The following AEBP2 variants were observed in gnomAD, a reference collection of about 807,000 sequenced individuals.
The protein encoded by AEBP2 is zinc finger protein AEBP2.
A neutral mutation model predicts 50.8 loss-of-function variants in AEBP2; 10 were observed. The ratio of observed to expected loss-of-function variants is 0.20; its 90% confidence interval spans 0.12 to 0.33. The LOEUF (loss-of-function observed/expected upper bound fraction) is 0.33. AEBP2 is among the 10% of genes least tolerant of loss of function. The pLI is 1.00. For missense variants in AEBP2, 570 were observed against 688.0 expected (o/e 0.83, Z 1.92); for synonymous variants, 296 against 261.3 (o/e 1.13, Z -1.28).
At chr12:19,461,619 C>T (rs1948380057) in intron 1 of AEBP2, among the ~76,000 whole-genome samples, 1 of 152,060 alleles carries the variant, frequency 6.6e-6, no homozygotes, top group South Asian at 2.1e-4. Context: ...AAGAGATTCT[C>T]CTGCCTCAGC....
At chr12:19,459,294 C>T (rs1333241772) in intron 1 of AEBP2, among the ~76,000 whole-genome samples, 7 of 151,662 alleles carry the variant, frequency 4.6e-5, no homozygotes, top group African/African-American at 1.5e-4. Context: ...TGCAGTGGTG[C>T]GATCTGGGCT....
chr12:19,501,800 T>TG (rs1555187204), intron 5 of AEBP2, among the ~76,000 whole-genome samples: 59 of 117,242 alleles, frequency 5.0e-4, no homozygotes, highest in African/African-American at 2.3e-3. Context: ...TGAGTTTGTT[T>TG]TTTTTTTTTT....
intron 1 of AEBP2, among the ~76,000 whole-genome samples, chr12:19,432,273 A>T (rs2095751804): frequency 6.6e-6 from 1 of 152,200 alleles, no homozygotes; most frequent in African/African-American, 2.4e-5. Flanking sequence ...GCTCTGAGTA[A>T]AAACATAAAG....
chr12:19,495,952 C>T (rs1251686040), intron 4 of AEBP2, among the ~76,000 whole-genome samples: 2 of 152,154 alleles, frequency 1.3e-5, no homozygotes, highest in Middle Eastern at 3.4e-3. Context: ...TTTAGCATTG[C>T]GATCATTTTA....
chr12:19,468,488 C>CT, intron 2 of AEBP2, among the ~76,000 whole-genome samples: 1 of 152,290 alleles, frequency 6.6e-6, no homozygotes, highest in South Asian at 2.1e-4. Flanking sequence ...CATACTTACT[C>CT]TGACAGATTA....
At chr12:19,485,519 C>T (rs1328160745) in intron 3 of AEBP2, among the ~76,000 whole-genome samples, 1 of 151,650 alleles carries the variant, frequency 6.6e-6, no homozygotes, top group Non-Finnish European at 1.5e-5. Context: ...CCAGCCTGGG[C>T]AACATGACGA....
At chr12:19,470,281 C>T (rs1289428676) in intron 2 of AEBP2, among the ~76,000 whole-genome samples, 1 of 152,030 alleles carries the variant, frequency 6.6e-6, no homozygotes, top group African/African-American at 2.4e-5. Context: ...CCTCAGCCTC[C>T]TGAGTAGCTG....
intron 1 of AEBP2, among the ~76,000 whole-genome samples, chr12:19,404,420 A>G (rs3983592): frequency 0.53 from 80,721 of 151,942 alleles, 21,867 homozygotes; most frequent in Admixed American, 0.62. Flanking sequence ...GCTTCCTCTC[A>G]GGCTCTGAAA....
intron 6 of AEBP2, 77 bp from the exon 7 acceptor site, chr12:19,514,594 C>T (rs1949291774): frequency 8.7e-7 from 1 of 1,143,966 alleles, no homozygotes; most frequent in Middle Eastern, 2.2e-4. Flanking sequence ...GCAGAAAATG[C>T]CAGAATGTGA....
chr12:19,493,776 T>C, intron 3 of AEBP2, 24 bp from the exon 4 acceptor site: 1 of 1,609,142 alleles, frequency 6.2e-7, no homozygotes, highest in South Asian at 1.1e-5. Context: ...TGCCTGACGT[T>C]ATTTCTGTTT....
rs575344958 is a variant in AEBP2 at position 19,475,891 on chromosome 12, ATTTC to A, written c.987+2540_987+2543del. On this transcript the variant is annotated intron_variant, in intron 3 of 7. Transcript: ENST00000266508. ...GATTATTATTATTTTTTTCTTGTTG[ATTTC>A]TTTGAGTGCCTTGTCAATTTTGAAC... Among the ~76,000 whole-genome samples the A allele has an allele frequency of 2.8e-3, 420 of 151,682 alleles. 4 individuals are homozygous for A. Among genetic ancestry groups the A allele is most frequent in the Non-Finnish European group, 3.8e-3 (261 of 67,874 alleles).
chr12:19,410,737 T>C (rs1467656898), intron 1 of AEBP2, among the ~76,000 whole-genome samples: 1 of 152,190 alleles, frequency 6.6e-6, no homozygotes, highest in Non-Finnish European at 1.5e-5. Flanking sequence ...AGGACCTGTT[T>C]CCCAGGCTTC....
chr12:19,513,175 A>C lies in AEBP2; in HGVS notation c.1367+710A>C, dbSNP rs145610164. The stretch of plus-strand genomic sequence containing the variant: ...CAGCCATAGCTGTGCCTTTGTTTGA[A>C]TCTTTTATTTAAAAAATTTGTAAAT... On this transcript the variant is annotated intron_variant, in intron 6 of 7. Coordinates refer to ENST00000266508, the MANE Select transcript of AEBP2 (RefSeq NM_153207.5). Among the ~76,000 whole-genome samples the C allele has an allele frequency of 2.3e-4, 35 of 152,288 alleles. No homozygotes were observed. In the East Asian group the frequency reaches 6.6e-3, roughly 29 times the overall value.
intron 5 of AEBP2, among the ~76,000 whole-genome samples, chr12:19,501,797 G>GTTTTTTGTTTTTTTTTTTT (rs1555187205): frequency 8.5e-5 from 6 of 70,870 alleles, no homozygotes; most frequent in Admixed American, 3.9e-4. Flanking sequence ...AAATGAGTTT[G>GTTTTTTGTTTTTTTTTTTT]TTTTTTTTTT....
upstream of AEBP2, among the ~76,000 whole-genome samples, chr12:19,437,106 T>C (rs541284680): frequency 6.6e-6 from 1 of 152,326 alleles, no homozygotes; most frequent in East Asian, 1.9e-4. Flanking sequence ...TCCAGAGAAG[T>C]CTGCTCTATA....
At chr12:19,463,667 A>ATTTTTTTTTTTTTTT (rs34007914) in intron 2 of AEBP2, among the ~76,000 whole-genome samples, 1 of 84,672 alleles carries the variant, frequency 1.2e-5, no homozygotes, top group Non-Finnish European at 2.1e-5. Flanking sequence ...TCATACTTGA[A>ATTTTTTTTTTTTTTT]TTTTTTTTTT....
rs1276636695 is a variant in AEBP2, at chr12:19,518,957, GA to G, written c.*841del. ...CCTATATGACTCTAATTTTTTTTCT[GA>G]GGAAATCATTTGGTTTTTGAGTTGT... On this transcript the variant is annotated 3_prime_UTR_variant, in exon 8 of 8. Coordinates refer to ENST00000266508, the MANE Select transcript of AEBP2 (RefSeq NM_153207.5). 3 of 281,956 alleles carry G rather than the reference GA, an allele frequency of 1.1e-5. No individual in the cohort carries two copies. The highest frequency in any genetic ancestry group is 1.9e-5 in the Non-Finnish European group (3 of 153,936). The allele number at this position is 281,956 out of a possible 1,614,324, so 17.5% of individuals were successfully genotyped here. A position where few individuals can be genotyped will look rare whatever the true frequency, so the allele number is the denominator to read the frequency against.
intron 5 of AEBP2, among the ~76,000 whole-genome samples, chr12:19,501,400 C>T (rs2120517219): frequency 6.6e-6 from 1 of 151,710 alleles, no homozygotes; most frequent in Non-Finnish European, 1.5e-5. Flanking sequence ...TTTGGGAGGC[C>T]AAGGCAGGCA....
intron 1 of AEBP2, among the ~76,000 whole-genome samples, chr12:19,448,796 C>A (rs1297635006): frequency 6.6e-6 from 1 of 152,152 alleles, no homozygotes; most frequent in Non-Finnish European, 1.5e-5. Flanking sequence ...TGTCCTGCCT[C>A]AGCCTTCCAA....
Sources: gnomAD v4.1 joint callset for allele counts (sites outside exome capture counted in the v4.1 genomes callset) on GRCh38, gnomAD v4.1.1 for gene constraint, MANE v1.5 for transcripts, NCBI Gene and HGNC (gene_info 2026-07-23, HGNC 2026-07-21) for gene names.